Variants in CD80 observed in about 807,000 individuals in gnomAD.
CD80 encodes the protein CD80 molecule.
Under a neutral mutation model 27.1 loss-of-function variants are expected in CD80, and 13 were observed. The ratio of observed to expected loss-of-function variants is 0.48; its 90% confidence interval spans 0.31 to 0.76. CD80 has a LOEUF of 0.76. CD80 is among the 30% of genes least tolerant of loss of function. The probability of loss-of-function intolerance (pLI) is 0.04; values close to 1 mark genes in which losing one functional copy is unlikely to be tolerated. For synonymous variants in CD80, 125 were observed against 125.5 expected, an observed-to-expected ratio of 1.00 and a Z score of 0.03; for missense variants, 277 against 347.9, an observed-to-expected ratio of 0.80 and a Z score of 1.62.
At chr3:119,539,022 A>G (rs1400253583) in intron 3 of CD80, among the ~76,000 whole-genome samples, 2 of 152,130 alleles carry the variant, frequency 1.3e-5, no homozygotes, top group Non-Finnish European at 2.9e-5. Flanking sequence ...TCCCCTCTTT[A>G]TTCTGTCCTC....
chr3:119,552,771 A>G (rs1230030350), intron 2 of CD80, among the ~76,000 whole-genome samples: 1 of 152,208 alleles, frequency 6.6e-6, no homozygotes, highest in African/African-American at 2.4e-5. Context: ...CGCAACATGG[A>G]TGAACCTGAA....
At chr3:119,536,122 G>A (rs1158186049) in intron 4 of CD80, among the ~76,000 whole-genome samples, 1 of 151,624 alleles carries the variant, frequency 6.6e-6, no homozygotes, top group African/African-American at 2.4e-5. Context: ...GTGGTGGCTG[G>A]CGCCTGTAAT....
rs1382247692 is a variant in CD80 at position 119,529,931 on chromosome 3, T to G, written c.707A>C (p.Gln236Pro). ...GAGCAGGTTATCAGGAAAATGCTCT[T>G]GCTTGGCTATGGAGGGAAAAGAATA... ...NQTFNWNTTK[Q>P]EHFPDNLLPS... The change falls in exon 5 of 7, where the codon CAA becomes CCA. Residue 236 changes from glutamine to proline, a missense_variant. Physicochemically the swap from Gln to Pro is moderately conservative, Grantham distance 76. Transcript: ENST00000264246. The G allele has an allele frequency of 6.2e-7, 1 of 1,609,240 alleles. No individual in the cohort carries two copies. Among genetic ancestry groups the G allele is most frequent in the Non-Finnish European group, 8.5e-7 (1 of 1,175,750 alleles).
intron 2 of CD80, among the ~76,000 whole-genome samples, chr3:119,550,532 C>T (rs1168745309): frequency 6.6e-6 from 1 of 152,128 alleles, no homozygotes; most frequent in African/African-American, 2.4e-5. Flanking sequence ...TATAAATTTG[C>T]CCAAATTTAT....
chr3:119,557,186 C>T (rs953737649), intron 2 of CD80, among the ~76,000 whole-genome samples: 5 of 152,120 alleles, frequency 3.3e-5, no homozygotes, highest in African/African-American at 4.8e-5. Flanking sequence ...ACTACTCTCC[C>T]GCCTTCAGAT....
rs2082076216 is a variant in CD80 at position 119,527,767 on chromosome 3, A to G, written c.*4T>C. 5 of 1,612,242 alleles carry G rather than the reference A, an allele frequency of 3.1e-6. No individual in the cohort carries two copies. In the South Asian group the frequency reaches 5.5e-5, roughly 18 times the overall value. On this transcript the variant is annotated 3_prime_UTR_variant, in exon 6 of 7. Transcript: ENST00000264246. ...TTTTCAGCCCCTTGCTTCTGCGGAC[A>G]CTGTTATACAGGGCGTACACTTTCC...
intron 3 of CD80, 168 bp downstream of exon 3, chr3:119,544,382 A>T: frequency 1.6e-6 from 1 of 611,850 alleles, no homozygotes; most frequent in Non-Finnish European, 2.9e-6. Flanking sequence ...TTTCCAGGAC[A>T]TCTTTAGAAA....
chr3:119,525,878 TTTAA>T (rs1049796647), intron 6 of CD80, 129 bp from the exon 7 acceptor site: 75 of 135,306 alleles, frequency 5.5e-4, no homozygotes, highest in East Asian at 3.9e-3. Context: ...GTATATATAA[TTTAA>T]TTATATATGT....
At chr3:119,527,274 G>A (rs1345269706) in intron 6 of CD80, among the ~76,000 whole-genome samples, 1 of 152,176 alleles carries the variant, frequency 6.6e-6, no homozygotes, top group Non-Finnish European at 1.5e-5. Flanking sequence ...ACATGACAGA[G>A]TAATTCTTTG....
chr3:119,534,017 ACCT>A, intron 4 of CD80, among the ~76,000 whole-genome samples: 1 of 152,178 alleles, frequency 6.6e-6, no homozygotes, highest in Admixed American at 6.5e-5. Context: ...AAAGACAAAA[ACCT>A]TAAGTTAGCA....
chr3:119,544,381 C>T, intron 3 of CD80, 169 bp downstream of exon 3: 1 of 609,900 alleles, frequency 1.6e-6, no homozygotes. Context: ...ATTTCCAGGA[C>T]ATCTTTAGAA....
chr3:119,555,166 C>A (rs946886100), intron 2 of CD80, among the ~76,000 whole-genome samples: 4 of 152,044 alleles, frequency 2.6e-5, no homozygotes, highest in Non-Finnish European at 5.9e-5. Flanking sequence ...TAAAGTAACC[C>A]CCTCCCCACA....
At chr3:119,538,255 A>G (rs529004350) in intron 3 of CD80, among the ~76,000 whole-genome samples, 22 of 152,324 alleles carry the variant, frequency 1.4e-4, no homozygotes, top group African/African-American at 4.6e-4. Context: ...GTCTGACACC[A>G]GAGCCTATCT....
At chr3:119,534,673 T>G (rs2082127315) in intron 4 of CD80, among the ~76,000 whole-genome samples, 1 of 152,226 alleles carries the variant, frequency 6.6e-6, no homozygotes, top group Non-Finnish European at 1.5e-5. Context: ...TACTGTTTTC[T>G]GCCTTCAATC....
At chr3:119,548,091 C>G (rs1341327086) in intron 2 of CD80, among the ~76,000 whole-genome samples, 1 of 152,060 alleles carries the variant, frequency 6.6e-6, no homozygotes, top group Non-Finnish European at 1.5e-5. Context: ...AGCAGTTCTC[C>G]TGCCTCAGCC....
In CD80 at chr3:119,525,246, A is replaced by T. The variant is rs949844353; in HGVS notation, c.*542T>A. ...AGTCTCCTAAAGATGTTCATGCCAT[A>T]CTTCCTATGCATTACATTGGGCTTT... On this transcript the variant is annotated 3_prime_UTR_variant, in exon 7 of 7. Coordinates refer to ENST00000264246, the MANE Select transcript of CD80 (RefSeq NM_005191.4). 1 of 152,202 alleles carries T rather than the reference A, an allele frequency of 6.6e-6. No homozygotes were observed. The highest frequency in any genetic ancestry group is 2.4e-5 in the African/African-American group (1 of 41,438). The allele number at this position is 152,202 out of a possible 1,614,324, so 9.4% of individuals were successfully genotyped here. A position where few individuals can be genotyped will look rare whatever the true frequency, so the allele number is the denominator to read the frequency against.
intron 3 of CD80, among the ~76,000 whole-genome samples, chr3:119,542,603 C>G (rs2082175943): frequency 6.6e-6 from 1 of 152,126 alleles, no homozygotes; most frequent in South Asian, 2.1e-4. Flanking sequence ...ACCCCCTTTG[C>G]AAAATTATGA....
chr3:119,533,987 C>T (rs75012413), intron 4 of CD80, among the ~76,000 whole-genome samples: 2,663 of 152,180 alleles, frequency 0.017, 79 homozygotes, highest in African/African-American at 0.06. Flanking sequence ...GACATTTATA[C>T]CCTAAAGCTC....
rs141165550 is a variant in CD80, at chr3:119,538,636, A to AT, written c.419-1219dup. On this transcript the variant is annotated intron_variant, in intron 3 of 6. Coordinates refer to ENST00000264246, the MANE Select transcript of CD80 (RefSeq NM_005191.4). The stretch of plus-strand genomic sequence containing the variant: ...TCCTTTCTGGCCTTATCCTTTGAAC[A>AT]TTGACTCTTAAGTCTGTTACAGGTA... Among the ~76,000 whole-genome samples the AT allele has an allele frequency of 5.5e-3, 830 of 152,288 alleles. 5 individuals are homozygous for AT. Among genetic ancestry groups the AT allele is most frequent in the African/African-American group, 0.019 (793 of 41,550 alleles).
Sources: gnomAD v4.1 joint callset for allele counts (sites outside exome capture counted in the v4.1 genomes callset) on GRCh38, gnomAD v4.1.1 for gene constraint, MANE v1.5 for transcripts, NCBI Gene and HGNC (gene_info 2026-07-23, HGNC 2026-07-21) for gene names.